Variants in PTPRD observed in about 807,000 individuals in gnomAD.
PTPRD encodes receptor-type tyrosine-protein phosphatase delta.
A neutral mutation model predicts 214.5 loss-of-function variants in PTPRD; 34 were observed. The observed-to-expected ratio is 0.16, with a 90% CI of 0.12 to 0.21. PTPRD has a LOEUF of 0.21. PTPRD is among the 10% of genes least tolerant of loss of function. PTPRD has a pLI of 1.00. For synonymous variants in PTPRD, 1,128 were observed against 845.7 expected, an observed-to-expected ratio of 1.33 and a Z score of -5.79; for missense variants, 2,545 against 2,398.7, an observed-to-expected ratio of 1.06 and a Z score of -1.27.
At chr9:9,861,920 G>T (rs961075664) in intron 5 of PTPRD, among the ~76,000 whole-genome samples, 1 of 152,094 alleles carries the variant, frequency 6.6e-6, no homozygotes, top group Non-Finnish European at 1.5e-5. Flanking sequence ...ATATGCTCTG[G>T]TTAAAGAATT....
chr9:9,495,475 T>C (rs951474102), intron 8 of PTPRD, among the ~76,000 whole-genome samples: 10 of 152,014 alleles, frequency 6.6e-5, no homozygotes, highest in South Asian at 2.1e-4. Context: ...CCAAAAACCC[T>C]ACAGCCCGCC....
chr9:9,699,780 C>A (rs545409257), intron 7 of PTPRD, among the ~76,000 whole-genome samples: 46 of 152,172 alleles, frequency 3.0e-4, no homozygotes, highest in African/African-American at 1.1e-3. Context: ...AGCAAGAAGC[C>A]ATGAAGTACA....
intron 9 of PTPRD, among the ~76,000 whole-genome samples, chr9:9,186,529 T>A (rs2099931608): frequency 6.6e-6 from 1 of 151,992 alleles, no homozygotes; most frequent in South Asian, 2.1e-4. Flanking sequence ...GAAGATCGAT[T>A]GAGCTCCAGA....
intron 10 of PTPRD, among the ~76,000 whole-genome samples, chr9:9,054,055 T>G (rs964136456): frequency 6.6e-6 from 1 of 152,124 alleles, no homozygotes; most frequent in East Asian, 1.9e-4. Context: ...ATGATAACAA[T>G]TAAAGTCCCA....
intron 8 of PTPRD, among the ~76,000 whole-genome samples, chr9:9,445,082 TA>T (rs2089910241): frequency 6.6e-6 from 1 of 152,178 alleles, no homozygotes; most frequent in Non-Finnish European, 1.5e-5. Flanking sequence ...TGACAATTTG[TA>T]AGATTTTTGC....
chr9:9,166,596 C>T (rs2099904615), intron 10 of PTPRD, among the ~76,000 whole-genome samples: 1 of 152,196 alleles, frequency 6.6e-6, no homozygotes, highest in African/African-American at 2.4e-5. Flanking sequence ...TCAGCCCTCT[C>T]CTCTGCTGCA....
chr9:9,039,265 T>C (rs1167633093), intron 10 of PTPRD, among the ~76,000 whole-genome samples: 3 of 152,164 alleles, frequency 2.0e-5, no homozygotes, highest in African/African-American at 4.8e-5. Flanking sequence ...GCAATGGAAA[T>C]ATGAGATGCT....
intron 14 of PTPRD, among the ~76,000 whole-genome samples, chr9:8,632,944 T>C (rs60519226): frequency 0.086 from 13,001 of 152,034 alleles, 684 homozygotes; most frequent in East Asian, 0.18. Context: ...CAATGTCAGC[T>C]GTGGTAGTTG....
chr9:9,427,341 A>G (rs1228543169), intron 8 of PTPRD, among the ~76,000 whole-genome samples: 2 of 152,202 alleles, frequency 1.3e-5, no homozygotes, highest in African/African-American at 4.8e-5. Context: ...AATGAAATGA[A>G]GCGAGAAGAG....
intron 10 of PTPRD, among the ~76,000 whole-genome samples, chr9:9,029,103 T>C (rs2099596527): frequency 6.6e-6 from 1 of 151,928 alleles, no homozygotes; most frequent in African/African-American, 2.4e-5. Flanking sequence ...CATTATTATC[T>C]ATTAAAATGA....
chr9:9,020,042 GGGA>G (rs2099557472), intron 10 of PTPRD, among the ~76,000 whole-genome samples: 2 of 152,098 alleles, frequency 1.3e-5, no homozygotes, highest in Admixed American at 1.3e-4. Context: ...CTGCAGACAT[GGGA>G]GGAGAAGAGA....
At chr9:8,675,180 C>A (rs1182588264) in intron 12 of PTPRD, among the ~76,000 whole-genome samples, 1 of 152,004 alleles carries the variant, frequency 6.6e-6, no homozygotes, top group African/African-American at 2.4e-5. Flanking sequence ...TGATTCCACC[C>A]GGGTTTGAAA....
At chr9:9,837,184 C>T (rs946940211) in intron 5 of PTPRD, among the ~76,000 whole-genome samples, 2 of 151,928 alleles carry the variant, frequency 1.3e-5, no homozygotes, top group South Asian at 4.1e-4. Flanking sequence ...CAATGTAGCT[C>T]CCAGTTTGCA....
At chr9:8,776,029 G>T (rs991344566) in intron 11 of PTPRD, among the ~76,000 whole-genome samples, 1 of 152,144 alleles carries the variant, frequency 6.6e-6, no homozygotes, top group Admixed American at 6.5e-5. Context: ...AAAAAGAAAT[G>T]AAGATTTGGT....
intron 8 of PTPRD, among the ~76,000 whole-genome samples, chr9:9,568,636 T>C (rs139549716): frequency 2.0e-5 from 3 of 151,960 alleles, no homozygotes; most frequent in Non-Finnish European, 4.4e-5. Flanking sequence ...TTTTCCTACA[T>C]GCTTTCCTCT....
At chr9:10,331,130 T>C (rs770190247) in intron 3 of PTPRD, among the ~76,000 whole-genome samples, 17 of 151,854 alleles carry the variant, frequency 1.1e-4, no homozygotes, top group Admixed American at 2.6e-4. Flanking sequence ...CACAATTCCA[T>C]AAGATCTAAG....
chr9:9,219,727 T>C (rs971103859), intron 9 of PTPRD, among the ~76,000 whole-genome samples: 3 of 152,166 alleles, frequency 2.0e-5, no homozygotes, highest in Non-Finnish European at 4.4e-5. Flanking sequence ...TTGGAAACAT[T>C]TTCTGTGGAG....
intron 10 of PTPRD, among the ~76,000 whole-genome samples, chr9:9,035,700 T>A (rs1310498927): frequency 2.0e-5 from 3 of 152,174 alleles, no homozygotes; most frequent in African/African-American, 7.2e-5. Context: ...TTATTGTTCA[T>A]CTTGAAAATA....
At chr9:10,233,758 A>G (rs934719101) in intron 3 of PTPRD, among the ~76,000 whole-genome samples, 2 of 151,966 alleles carry the variant, frequency 1.3e-5, no homozygotes, top group African/African-American at 4.8e-5. Context: ...TCAGCTTGGG[A>G]ATTCGTATAA....
Sources: gnomAD v4.1 joint callset for allele counts (sites outside exome capture counted in the v4.1 genomes callset) on GRCh38, gnomAD v4.1.1 for gene constraint, MANE v1.5 for transcripts, NCBI Gene and HGNC (gene_info 2026-07-23, HGNC 2026-07-21) for gene names.